Variants in MYRIP observed in about 807,000 individuals in gnomAD.
MYRIP encodes myosin VIIA and Rab interacting protein, also known as rab effector MyRIP.
MYRIP carries 49 observed loss-of-function variants against 98.0 expected under a neutral mutation model. The ratio of observed to expected loss-of-function variants is 0.50; its 90% CI spans 0.40 to 0.63. The LOEUF (loss-of-function observed/expected upper bound fraction) is 0.63, where lower values mean the gene tolerates loss of function less well. Among genes scored for constraint, MYRIP ranks in the 30% least tolerant of loss-of-function variants. The pLI is 0.00. For missense variants in MYRIP, 1,004 were observed against 1,058.2 expected (o/e 0.95, Z 0.71); for synonymous variants, 404 against 409.5 (o/e 0.99, Z 0.16).
At chr3:40,021,239 T>C (rs771541602) in intron 2 of MYRIP, among the ~76,000 whole-genome samples, 1 of 152,152 alleles carries the variant, frequency 6.6e-6, no homozygotes, top group Non-Finnish European at 1.5e-5. Context: ...TGGTTCACTA[T>C]ACAGTAATAA....
chr3:40,110,595 CCCTT>C (rs1949138464), intron 3 of MYRIP, among the ~76,000 whole-genome samples: 1 of 152,138 alleles, frequency 6.6e-6, no homozygotes, highest in Admixed American at 6.5e-5. Flanking sequence ...TACAACACCT[CCCTT>C]CCCAGACATC....
chr3:39,876,837 GA>G, intron 1 of MYRIP, among the ~76,000 whole-genome samples: 1 of 151,960 alleles, frequency 6.6e-6, no homozygotes, highest in East Asian at 1.9e-4. Context: ...TGCTCTTCTC[GA>G]GGAGTATCTT....
At chr3:39,903,359 C>CT (rs1211214752) in intron 2 of MYRIP, among the ~76,000 whole-genome samples, 5 of 152,200 alleles carry the variant, frequency 3.3e-5, no homozygotes, top group Non-Finnish European at 7.4e-5. Context: ...TAATAGAAGA[C>CT]TTTTTTAAAT....
At chr3:39,937,033 A>G (rs918087480) in intron 2 of MYRIP, among the ~76,000 whole-genome samples, 5 of 152,158 alleles carry the variant, frequency 3.3e-5, no homozygotes, top group Non-Finnish European at 7.4e-5. Flanking sequence ...CTTGGCAGTG[A>G]CAGAGCAGGC....
intron 13 of MYRIP, chr3:40,248,496 G>T (rs2091355): frequency 0.51 from 77,986 of 151,782 alleles, 20,756 homozygotes; most frequent in East Asian, 0.75. Context: ...TAATTATATA[G>T]AGAGAGAAGA....
At chr3:40,056,819 C>T (rs959213010) in intron 3 of MYRIP, among the ~76,000 whole-genome samples, 4 of 152,068 alleles carry the variant, frequency 2.6e-5, no homozygotes, top group Non-Finnish European at 4.4e-5. Flanking sequence ...GGTACCTTCC[C>T]GAAGTTGTCA....
chr3:40,258,287 A>C lies in MYRIP; in HGVS notation c.*121A>C. The C allele has an allele frequency of 8.4e-7, 1 of 1,184,044 alleles. No individual in the cohort carries two copies. The highest frequency in any genetic ancestry group is 1.3e-6 in the Non-Finnish European group (1 of 797,192). 73.3% of individuals were successfully genotyped at this position (1,184,044 alleles called of 1,614,324 possible). A position where few individuals can be genotyped will look rare whatever the true frequency, so the allele number is the denominator to read the frequency against. Reference sequence around the variant, plus strand: ...TGAGGAGAAGGCCTGGGGAGGCCACAGTGCACCATTGCACAGGGCTGTCCT... The same window carrying C: ...TGAGGAGAAGGCCTGGGGAGGCCACCGTGCACCATTGCACAGGGCTGTCCT... On this transcript the variant is annotated 3_prime_UTR_variant, in exon 17 of 17. Coordinates refer to ENST00000302541, the MANE Select transcript of MYRIP (RefSeq NM_015460.4).
chr3:40,098,483 T>C (rs961131969), intron 3 of MYRIP, among the ~76,000 whole-genome samples: 5 of 152,230 alleles, frequency 3.3e-5, no homozygotes, highest in African/African-American at 1.2e-4. Flanking sequence ...ACTCTGTTTA[T>C]CTGCAGATCC....
At chr3:40,010,485 A>G (rs1002784997) in intron 2 of MYRIP, among the ~76,000 whole-genome samples, 4 of 152,208 alleles carry the variant, frequency 2.6e-5, no homozygotes, top group African/African-American at 9.7e-5. Flanking sequence ...AGAGTTCTTT[A>G]TAGACCTACT....
At chr3:39,893,590 A>G (rs532534090) in intron 1 of MYRIP, among the ~76,000 whole-genome samples, 1 of 152,192 alleles carries the variant, frequency 6.6e-6, no homozygotes, top group South Asian at 2.1e-4. Flanking sequence ...AACAATCAAT[A>G]ACTAAAAATT....
At chr3:40,038,169 T>G (rs1947425548) in intron 2 of MYRIP, among the ~76,000 whole-genome samples, 1 of 152,164 alleles carries the variant, frequency 6.6e-6, no homozygotes, top group African/African-American at 2.4e-5. Flanking sequence ...ATTTGGAAAT[T>G]TTTAAACCTG....
intron 3 of MYRIP, among the ~76,000 whole-genome samples, chr3:40,142,029 C>G (rs1300456964): frequency 1.4e-5 from 2 of 144,494 alleles, no homozygotes; most frequent in Non-Finnish European, 3.0e-5. Context: ...ATAGATTGCT[C>G]TGGGTAGTAT....
intron 1 of MYRIP, among the ~76,000 whole-genome samples, chr3:39,839,050 T>A (rs1418282344): frequency 6.6e-6 from 1 of 152,098 alleles, no homozygotes; most frequent in Admixed American, 6.6e-5. Flanking sequence ...CCCTTTATTA[T>A]TTTTTATTGT....
chr3:40,218,935 G>T (rs576151995), intron 11 of MYRIP, among the ~76,000 whole-genome samples: 11 of 151,966 alleles, frequency 7.2e-5, no homozygotes, highest in African/African-American at 2.4e-4. Context: ...ATAAAATATA[G>T]CCAAGAAAAC....
At chr3:40,040,521 C>T in intron 2 of MYRIP, among the ~76,000 whole-genome samples, 2 of 70,446 alleles carry the variant, frequency 2.8e-5, no homozygotes, top group African/African-American at 1.1e-4. Flanking sequence ...TATAAAGACA[C>T]ATGCACACGT....
At chr3:40,073,850 ACTG>A (rs376126914) in intron 3 of MYRIP, among the ~76,000 whole-genome samples, 10 of 152,180 alleles carry the variant, frequency 6.6e-5, no homozygotes, top group Middle Eastern at 3.2e-3. Context: ...GGCTCCCCCT[ACTG>A]CTTATGTCTA....
chr3:40,149,719 A>T (rs1245535110), intron 3 of MYRIP, among the ~76,000 whole-genome samples: 3 of 152,190 alleles, frequency 2.0e-5, no homozygotes, highest in Non-Finnish European at 4.4e-5. Flanking sequence ...TGGGCCTTCC[A>T]GTTAGAGTCC....
rs559244318 is a variant in MYRIP, at chr3:39,876,203, C to T, written c.-30-24584C>T. Among the ~76,000 whole-genome samples, 178 of 152,188 alleles carry T rather than the reference C, an allele frequency of 1.2e-3. 2 individuals carry two copies. The South Asian group carries it at 0.036, about 30-fold the overall frequency. ...GTTTTCCATTTGCTTGGTAGATCTT[C>T]TTCCATCGTTTTATTTTGAACCTAT... On this transcript the variant is annotated intron_variant, in intron 1 of 16. Transcript: ENST00000302541.
intron 1 of MYRIP, among the ~76,000 whole-genome samples, chr3:39,875,447 G>A (rs1336442184): frequency 3.3e-5 from 5 of 150,916 alleles, no homozygotes; most frequent in African/African-American, 9.8e-5. Flanking sequence ...TGTCAATTTT[G>A]GATCTTTCCT....
Sources: gnomAD v4.1 joint callset for allele counts (sites outside exome capture counted in the v4.1 genomes callset) on GRCh38, gnomAD v4.1.1 for gene constraint, MANE v1.5 for transcripts, NCBI Gene and HGNC (gene_info 2026-07-23, HGNC 2026-07-21) for gene names.